METTL16: variants seen among roughly 807,000 people sequenced by gnomAD.
The protein encoded by METTL16 is methyltransferase 16, RNA N6-adenosine.
METTL16 carries 19 observed loss-of-function variants against 57.9 expected under a neutral mutation model. The observed-to-expected ratio is 0.33, with a 90% CI of 0.23 to 0.48. METTL16 has a LOEUF of 0.48. Among genes scored for constraint, METTL16 ranks in the 20% least tolerant of loss-of-function variants. The pLI is 0.99. For missense variants in METTL16, 434 were observed against 691.5 expected, an observed-to-expected ratio of 0.63 and a Z score of 4.18; for synonymous variants, 246 against 255.6, an observed-to-expected ratio of 0.96 and a Z score of 0.36.
chr17:2,477,311 A>G (rs956957629), intron 3 of METTL16: 8 of 191,444 alleles, frequency 4.2e-5, no homozygotes, highest in Non-Finnish European at 8.8e-5. Flanking sequence ...CAGTGGGAGA[A>G]AAGGCCAGGT....
chr17:2,495,676 CAGAG>C (rs2067439160), intron 2 of METTL16, among the ~76,000 whole-genome samples: 1 of 131,960 alleles, frequency 7.6e-6, no homozygotes, highest in African/African-American at 3.0e-5. Context: ...GCCTGGGTGA[CAGAG>C]AAAGACTCTG....
At chr17:2,510,987 C>T (rs2151583890) in intron 1 of METTL16, among the ~76,000 whole-genome samples, 2 of 152,230 alleles carry the variant, frequency 1.3e-5, no homozygotes, top group Non-Finnish European at 2.9e-5. Flanking sequence ...TTTTGTCTGT[C>T]TTGTTCACCG....
intron 8 of METTL16, among the ~76,000 whole-genome samples, chr17:2,436,226 A>C (rs2066907557): frequency 1.3e-5 from 2 of 152,116 alleles, no homozygotes; most frequent in Admixed American, 6.5e-5. Flanking sequence ...AGAAAGGATA[A>C]TTCTTCGGGG....
chr17:2,466,804 CT>C (rs1203626497), intron 5 of METTL16, among the ~76,000 whole-genome samples: 3 of 150,228 alleles, frequency 2.0e-5, no homozygotes, highest in Admixed American at 2.0e-4. Context: ...TTTTTGTTTT[CT>C]TTTTTTCCCA....
intron 5 of METTL16, among the ~76,000 whole-genome samples, chr17:2,466,205 A>C (rs2067194889): frequency 1.3e-5 from 2 of 151,788 alleles, no homozygotes; most frequent in African/African-American, 4.8e-5. Flanking sequence ...AAAAAAAAAA[A>C]AAAAAAAGCC....
chr17:2,447,654 G>C (rs2067014700), intron 6 of METTL16, among the ~76,000 whole-genome samples: 3 of 131,870 alleles, frequency 2.3e-5, no homozygotes, highest in African/African-American at 6.3e-5. Flanking sequence ...GCCCCTACTG[G>C]GAAGTGAGGA....
chr17:2,444,351 G>A (rs2066977540), intron 6 of METTL16, among the ~76,000 whole-genome samples: 1 of 152,134 alleles, frequency 6.6e-6, no homozygotes, highest in Non-Finnish European at 1.5e-5. Flanking sequence ...TCAGGAGGCT[G>A]ACGCAGGAAA....
chr17:2,498,117 C>G (rs996287138), intron 2 of METTL16, among the ~76,000 whole-genome samples: 3 of 150,894 alleles, frequency 2.0e-5, no homozygotes, highest in African/African-American at 7.4e-5. Flanking sequence ...TGGCGTGAAC[C>G]CGGGAGGCAG....
intron 8 of METTL16, among the ~76,000 whole-genome samples, chr17:2,431,707 G>A (rs2066875165): frequency 1.3e-5 from 2 of 151,772 alleles, no homozygotes; most frequent in African/African-American, 4.8e-5. Context: ...CATCCTTTTT[G>A]GTATCTTTTG....
chr17:2,507,514 C>T (rs1470829054), intron 1 of METTL16, among the ~76,000 whole-genome samples: 5 of 148,782 alleles, frequency 3.4e-5, no homozygotes, highest in Non-Finnish European at 6.0e-5. Flanking sequence ...GGGGGGTCAG[C>T]CCCCCGCCCG....
At chr17:2,434,026 T>C (rs2066893445) in intron 8 of METTL16, among the ~76,000 whole-genome samples, 1 of 152,128 alleles carries the variant, frequency 6.6e-6, no homozygotes, top group South Asian at 2.1e-4. Context: ...TCATTGTGAG[T>C]AACAGAAAAC....
chr17:2,421,568 G>A (rs1567878832), intron 8 of METTL16, among the ~76,000 whole-genome samples: 1 of 152,188 alleles, frequency 6.6e-6, no homozygotes, highest in South Asian at 2.1e-4. Flanking sequence ...ACTGCTAAAC[G>A]TCCTTCGTGT....
intron 8 of METTL16, among the ~76,000 whole-genome samples, chr17:2,422,742 C>T (rs967602140): frequency 6.7e-5 from 10 of 150,258 alleles, no homozygotes; most frequent in African/African-American, 2.0e-4. Flanking sequence ...CCAGCACTTT[C>T]GGAGGCCGAG....
At chr17:2,480,682 C>T (rs1406535697) in intron 2 of METTL16, among the ~76,000 whole-genome samples, 1 of 152,178 alleles carries the variant, frequency 6.6e-6, no homozygotes. Context: ...ATCAGAAGTA[C>T]ACTAGACCCT....
At chr17:2,439,696 T>C (rs2066933391) in intron 7 of METTL16, among the ~76,000 whole-genome samples, 1 of 152,212 alleles carries the variant, frequency 6.6e-6, no homozygotes, top group African/African-American at 2.4e-5. Context: ...ACCAGGTTTT[T>C]TGATTTCTGG....
chr17:2,467,483 T>C (rs2151565164), intron 5 of METTL16, among the ~76,000 whole-genome samples: 1 of 152,334 alleles, frequency 6.6e-6, no homozygotes, highest in East Asian at 1.9e-4. Flanking sequence ...TGGAGTGCAA[T>C]GGCGCAATCT....
intron 2 of METTL16, among the ~76,000 whole-genome samples, chr17:2,490,116 G>A (rs1316867417): frequency 2.0e-5 from 3 of 152,144 alleles, no homozygotes; most frequent in Non-Finnish European, 4.4e-5. Context: ...AACAGATGCA[G>A]AGGAAAAGTC....
intron 6 of METTL16, among the ~76,000 whole-genome samples, chr17:2,457,577 G>A (rs1261605156): frequency 6.6e-5 from 10 of 151,710 alleles, no homozygotes; most frequent in African/African-American, 2.4e-4. Context: ...GCATGGTGGC[G>A]CGTGCCTTTA....
intron 2 of METTL16, among the ~76,000 whole-genome samples, chr17:2,491,853 C>T (rs1438120410): frequency 6.9e-4 from 81 of 117,020 alleles, no homozygotes; most frequent in African/African-American, 2.7e-3. Flanking sequence ...CCAGCCTGGG[C>T]GACAGAGCGA....
Sources: gnomAD v4.1 joint callset for allele counts (sites outside exome capture counted in the v4.1 genomes callset) on GRCh38, gnomAD v4.1.1 for gene constraint, MANE v1.5 for transcripts, NCBI Gene and HGNC (gene_info 2026-07-23, HGNC 2026-07-21) for gene names.